Variants in TSC2 observed in about 807,000 individuals in gnomAD.
The protein encoded by TSC2 is tuberin.
Under a neutral mutation model 202.2 loss-of-function variants are expected in TSC2, and 29 were observed. That is an observed-to-expected ratio of 0.14 (90% CI 0.11 to 0.20). The LOEUF (loss-of-function observed/expected upper bound fraction) is 0.20. Among genes scored for constraint, TSC2 ranks in the 10% least tolerant of loss-of-function variants. The pLI, the probability that TSC2 is intolerant of heterozygous loss-of-function variation, is 1.00. For missense variants in TSC2, 2,429 were observed against 2,420.0 expected (o/e 1.00, Z -0.08); for synonymous variants, 1,349 against 1,044.0 (o/e 1.29, Z -5.63).
chr16:2,075,653 C>T (rs1318884097), intron 22 of TSC2, 146 bp from the exon 23 acceptor site: 1 of 791,282 alleles, frequency 1.3e-6, no homozygotes, highest in African/African-American at 1.7e-5. Flanking sequence ...GAGTTGAGGC[C>T]AGGGTCGGGA....
At chr16:2,081,440 C>T (rs1319011029) in intron 30 of TSC2, 155 bp from the exon 31 acceptor site, 21 of 984,010 alleles carry the variant, frequency 2.1e-5, no homozygotes, top group East Asian at 5.1e-5. Flanking sequence ...GGTGGGTGGC[C>T]GTCAGAGCAG....
At chr16:2,050,255 T>A (rs981031391) in intron 2 of TSC2, 145 bp from the exon 3 acceptor site, 1 of 846,252 alleles carries the variant, frequency 1.2e-6, no homozygotes, top group African/African-American at 1.7e-5. Flanking sequence ...CCGCGGCTCG[T>A]CAAGTGAATC....
chr16:2,082,253 G>T (rs1596403112), intron 31 of TSC2, 183 bp from the exon 32 acceptor site: 1 of 678,540 alleles, frequency 1.5e-6, no homozygotes, highest in South Asian at 1.7e-5. Context: ...ACGGGAGGAG[G>T]GAGGCACTGC....
chr16:2,072,100 G>A (rs564277534), intron 19 of TSC2, 141 bp from the exon 20 acceptor site: 29 of 1,525,834 alleles, frequency 1.9e-5, no homozygotes, highest in South Asian at 2.4e-5. Context: ...AGAGGCCTGC[G>A]CTGGGCAGGC....
rs137854026 is a variant in TSC2, at chr16:2,061,986, A to G, written c.1235A>G (p.Glu412Gly). 1 of 1,614,118 alleles carries G rather than the reference A, an allele frequency of 6.2e-7. No individual in the cohort carries two copies. ...CAGGAGAGATACTTTGAACTGGTGGAGAGATGTGCGGACCAGAGGCCTGTG... is the reference window on the plus strand; with the variant it reads ...CAGGAGAGATACTTTGAACTGGTGGGGAGATGTGCGGACCAGAGGCCTGTG... The part of the protein sequence containing the change: ...GSQERYFELV[E>G]RCADQRPESS... Residue 412 changes from glutamate (E) to glycine (G), a missense_variant, in exon 12 of 42, where the codon GAG (glutamate) becomes GGG (glycine). By Grantham distance (98) the Glu-to-Gly change is moderately conservative. Coordinates refer to ENST00000219476, the MANE Select transcript of TSC2 (RefSeq NM_000548.5).
chr16:2,051,892 C>T (rs2085170525), intron 3 of TSC2, among the ~76,000 whole-genome samples: 1 of 152,196 alleles, frequency 6.6e-6, no homozygotes, highest in African/African-American at 2.4e-5. Context: ...TGGCAAAACC[C>T]TGTTTCTACT....
At chr16:2,048,490 C>T in intron 1 of TSC2, 97 bp from the exon 2 acceptor site, 1 of 1,482,032 alleles carries the variant, frequency 6.7e-7, no homozygotes, top group Non-Finnish European at 9.3e-7. Flanking sequence ...AGGTTATGCC[C>T]ACCAGAGACC....
At chr16:2,058,957 G>A in intron 10 of TSC2, 84 bp downstream of exon 10, 1 of 1,549,750 alleles carries the variant, frequency 6.5e-7, no homozygotes, top group Non-Finnish European at 8.7e-7. Flanking sequence ...TGGGGGTCCT[G>A]CTGCGGGGGC....
At position 2,057,089 on chromosome 16, in the gene TSC2, G is replaced by A. The variant is rs1359566041; in HGVS notation, c.775-16G>A. 6.4e-6 allele frequency: 10 copies of A among 1,550,918 alleles called. No individual in the cohort carries two copies. The highest frequency in any genetic ancestry group is 4.9e-5 in the East Asian group (2 of 40,932). ...GCTTATGCCTGCCAGCCCCTGACAC[G>A]CATTGTGTCTCGCAGCTGATGCGGA... On this transcript the variant is annotated splice_polypyrimidine_tract_variant and intron_variant, in intron 8 of 41. Transcript: ENST00000219476.
intron 3 of TSC2, among the ~76,000 whole-genome samples, chr16:2,052,545 C>T (rs2085263331): frequency 2.0e-5 from 3 of 152,110 alleles, no homozygotes; most frequent in African/African-American, 4.8e-5. Context: ...CCTGGGCTGA[C>T]GTGACCCTCT....
chr16:2,074,170 G>C (rs1157013192), intron 21 of TSC2, 30 bp from the exon 22 acceptor site: 1 of 1,609,628 alleles, frequency 6.2e-7, no homozygotes. Flanking sequence ...CTGCAAGCGG[G>C]TGGGGCCTGA....
rs372007135 is a variant in TSC2 at position 2,056,250 on chromosome 16, T to C, written c.648+6T>C. The C allele has an allele frequency of 5.6e-6, 9 of 1,613,936 alleles. No homozygotes were observed. The African/African-American group carries it at 1.2e-4, about 22-fold the overall frequency. On this transcript the variant is annotated splice_donor_region_variant and intron_variant, in intron 7 of 41. Coordinates refer to ENST00000219476, the MANE Select transcript of TSC2 (RefSeq NM_000548.5). Reference sequence around the variant, plus strand: ...CGTCCTCTGTGGACATAGAGGTCAGTGCCTCCCCTCCCCAGGGCCGGCCCA... The same window carrying C: ...CGTCCTCTGTGGACATAGAGGTCAGCGCCTCCCCTCCCCAGGGCCGGCCCA...
At chr16:2,074,623 C>T in intron 22 of TSC2, 1 of 592,660 alleles carries the variant, frequency 1.7e-6, no homozygotes, top group Non-Finnish European at 3.0e-6. Context: ...CTTGAAGAAG[C>T]CTCTTCCCCC....
Position 2,053,368 on chromosome 16 carries a change from G to A in TSC2, c.252G>A (p.Ala84=), listed in dbSNP as rs1316543957. The A allele has an allele frequency of 1.9e-6, 3 of 1,589,408 alleles. No homozygotes were observed. Among genetic ancestry groups the A allele is most frequent in the African/African-American group, 1.3e-5 (1 of 74,514 alleles). The change falls in exon 4 of 42, where the codon GCG becomes GCA. Residue 84 remains alanine (A), a synonymous_variant. Transcript: ENST00000219476. The part of the protein sequence containing the change: ...EEHAVEALWK[A]VADLLQPERP... ...ACGCAGTGGAAGCACTCTGGAAGGC[G>A]GTCGCGGATCTGTTGCAGCCGGAGC...
At chr16:2,056,960 T>C in intron 8 of TSC2, 145 bp from the exon 9 acceptor site, 1 of 1,360,790 alleles carries the variant, frequency 7.3e-7, no homozygotes, top group Non-Finnish European at 1.0e-6. Context: ...AGAACCCTGC[T>C]GCCTCTGTCT....
In TSC2 at chr16:2,088,714, T is replaced by TCAGA. The variant is rs952864367; in HGVS notation, c.*108_*111dup. The TCAGA allele has an allele frequency of 8.4e-6, 12 of 1,431,550 alleles. No homozygotes were observed. Among genetic ancestry groups the TCAGA allele is most frequent in the East Asian group, 5.0e-5 (2 of 40,108 alleles). 88.7% of individuals were successfully genotyped at this position (1,431,550 alleles called of 1,614,324 possible). The stretch of plus-strand genomic sequence containing the variant: ...ACAGACATAGAGGCACAGATTGCAG[T>TCAGA]CAGACAGCTCTTTTATTGACTTTGT... On this transcript the variant is annotated 3_prime_UTR_variant, in exon 42 of 42. Coordinates refer to ENST00000219476, the MANE Select transcript of TSC2 (RefSeq NM_000548.5).
rs752756174 is a variant in TSC2 at position 2,079,539 on chromosome 16, G to A, written c.3285-18G>A. On this transcript the variant is annotated intron_variant, in intron 28 of 41. Coordinates refer to ENST00000219476, the MANE Select transcript of TSC2 (RefSeq NM_000548.5). This position sits in a 1 kb window ranked among gnomAD's most constrained non-coding sequence, Gnocchi z 4.6. Reference sequence around the variant, plus strand: ...CCTGGGGACTAAGTCCACCCTGTGCGTGGGATTCTCTTCTCAGCTCCAGCC... The same window carrying A: ...CCTGGGGACTAAGTCCACCCTGTGCATGGGATTCTCTTCTCAGCTCCAGCC... 16 of 1,607,282 alleles carry A rather than the reference G, an allele frequency of 1.0e-5. No homozygotes were observed. The highest frequency in any genetic ancestry group is 4.5e-5 in the East Asian group (2 of 44,662).
Position 2,055,348 on chromosome 16 carries a change from G to A in TSC2, c.482-54G>A, listed in dbSNP as rs566082175. 66 of 1,390,058 alleles carry A rather than the reference G, an allele frequency of 4.7e-5. 1 individual carries two copies. The South Asian group carries it at 6.9e-4, about 15-fold the overall frequency. 86.1% of individuals were successfully genotyped at this position (1,390,058 alleles called of 1,614,324 possible). A position where few individuals can be genotyped will look rare whatever the true frequency, so the allele number is the denominator to read the frequency against. ...CTGTCCTGCGGCGGGAGGGGGAGGTGAGTGGGAGATGTAGATTCGGCGTCC... is the reference window on the plus strand; with the variant it reads ...CTGTCCTGCGGCGGGAGGGGGAGGTAAGTGGGAGATGTAGATTCGGCGTCC... On this transcript the variant is annotated intron_variant, in intron 5 of 41. Coordinates refer to ENST00000219476, the MANE Select transcript of TSC2 (RefSeq NM_000548.5).
At chr16:2,054,739 G>A in intron 5 of TSC2, 1 of 494,736 alleles carries the variant, frequency 2.0e-6, no homozygotes. Flanking sequence ...CTGGGAGGTG[G>A]TGCTGCTGAC....
Sources: allele counts gnomAD v4.1 joint callset (sites outside exome capture counted in the v4.1 genomes callset), GRCh38; gene constraint gnomAD v4.1.1; non-coding constraint Gnocchi (gnomAD v3.1); transcripts MANE v1.5; gene names NCBI Gene and HGNC (gene_info 2026-07-23, HGNC 2026-07-21).